The following LRRN1 variants were observed in gnomAD, a reference collection of about 807,000 sequenced individuals.
LRRN1 encodes leucine-rich repeat neuronal protein 1.
LRRN1 carries 14 observed loss-of-function variants against 45.8 expected under a neutral mutation model. The observed-to-expected ratio is 0.31, with a 90% CI of 0.20 to 0.48. LRRN1 has a LOEUF of 0.48. Ranked by LOEUF, LRRN1 falls within the 20% of genes least tolerant of loss-of-function variation. The pLI, the probability that LRRN1 is intolerant of heterozygous loss-of-function variation, is 0.99. For synonymous variants in LRRN1, 359 were observed against 330.1 expected, an observed-to-expected ratio of 1.09 and a Z score of -0.95; for missense variants, 789 against 874.2, an observed-to-expected ratio of 0.90 and a Z score of 1.23.
intron 1 of LRRN1, among the ~76,000 whole-genome samples, chr3:3,806,201 T>C (rs1692755426): frequency 6.6e-6 from 1 of 152,188 alleles, no homozygotes; most frequent in African/African-American, 2.4e-5. Flanking sequence ...CAAATGTCAG[T>C]AGTCGCAAGG....
At chr3:3,814,779 G>A (rs1341329289) in intron 1 of LRRN1, among the ~76,000 whole-genome samples, 3 of 152,134 alleles carry the variant, frequency 2.0e-5, no homozygotes, top group Non-Finnish European at 4.4e-5. Context: ...GACACAGAAA[G>A]AAGGCACCAT....
At chr3:3,802,253 T>A (rs999183292) in intron 1 of LRRN1, among the ~76,000 whole-genome samples, 1 of 152,320 alleles carries the variant, frequency 6.6e-6, no homozygotes, top group African/African-American at 2.4e-5. Context: ...CCTCTTGGCG[T>A]TGTGCGACAG....
chr3:3,802,366 C>T (rs908551828), intron 1 of LRRN1, among the ~76,000 whole-genome samples: 3 of 152,158 alleles, frequency 2.0e-5, no homozygotes, highest in African/African-American at 7.2e-5. Context: ...CAACCTCAAA[C>T]ACTGTTGAAG....
rs118072413 is a variant in LRRN1 at position 3,801,617 on chromosome 3, G to C, written c.-279+1698G>C. ...ATGAAGGAATTTGAAAAGACAAGGA[G>C]TCTTCAGTTAACAATAGACCTTAAG... On this transcript the variant is annotated intron_variant, in intron 1 of 1. Coordinates refer to ENST00000319331, the MANE Select transcript of LRRN1 (RefSeq NM_020873.7). Among the ~76,000 whole-genome samples, 29 of 152,292 alleles carry C rather than the reference G, an allele frequency of 1.9e-4. 1 individual carries two copies. In the East Asian group the frequency reaches 5.4e-3, roughly 28 times the overall value.
At chr3:3,837,915 G>T (rs1160446622) in intron 1 of LRRN1, among the ~76,000 whole-genome samples, 1 of 151,906 alleles carries the variant, frequency 6.6e-6, no homozygotes, top group Non-Finnish European at 1.5e-5. Flanking sequence ...CCCTGTGTGT[G>T]TCGTTCCCCT....
intron 1 of LRRN1, among the ~76,000 whole-genome samples, chr3:3,821,246 A>G (rs1243264295): frequency 6.6e-6 from 1 of 152,172 alleles, no homozygotes. Context: ...AGTCAATTGA[A>G]ATAAAATGTG....
intron 1 of LRRN1, among the ~76,000 whole-genome samples, chr3:3,833,565 G>A (rs372423864): frequency 9.2e-5 from 14 of 152,200 alleles, no homozygotes; most frequent in East Asian, 1.9e-4. Flanking sequence ...GCAGCTCCTC[G>A]TGGGTCACAC....
chr3:3,840,635 G>GTTTAATT (rs1693631347), intron 1 of LRRN1, among the ~76,000 whole-genome samples: 1 of 152,118 alleles, frequency 6.6e-6, no homozygotes, highest in Admixed American at 6.5e-5. Context: ...ATTCCTTGCT[G>GTTTAATT]CCAAAGGAAT....
chr3:3,826,669 C>A (rs1331273308), intron 1 of LRRN1, among the ~76,000 whole-genome samples: 2 of 152,072 alleles, frequency 1.3e-5, no homozygotes, highest in South Asian at 2.1e-4. Flanking sequence ...GATCACTTAA[C>A]ACACACTACA....
At chr3:3,837,699 T>C (rs1693553347) in intron 1 of LRRN1, among the ~76,000 whole-genome samples, 1 of 150,582 alleles carries the variant, frequency 6.6e-6, no homozygotes, top group African/African-American at 2.4e-5. Flanking sequence ...CCGCACCACA[T>C]TTTTTTTTCT....
Position 3,845,554 on chromosome 3 carries a change from C to G in LRRN1, c.913C>G (p.Arg305Gly). The stretch of plus-strand genomic sequence containing the variant: ...TATGGGCGAGCTCGTTTCTGTCGAC[C>G]GCTATGCCCTGGATAACTTGCCTGA... ...NNMGELVSVD[R>G]YALDNLPELT... The change falls in exon 2 of 2, where the codon CGC becomes GGC. Residue 305 changes from arginine to glycine, a missense_variant. Arg to Gly is a moderately radical substitution (Grantham distance 125, BLOSUM62 -2). Transcript: ENST00000319331. This position sits in a 1 kb window ranked among gnomAD's most constrained non-coding sequence, Gnocchi z 6.5. 6.2e-7 allele frequency: 1 copy of G among 1,614,036 alleles called. No homozygotes were observed. Among genetic ancestry groups the G allele is most frequent in the Non-Finnish European group, 8.5e-7 (1 of 1,180,020 alleles).
intron 1 of LRRN1, among the ~76,000 whole-genome samples, chr3:3,811,848 A>T (rs577116259): frequency 3.9e-5 from 6 of 152,338 alleles, no homozygotes; most frequent in African/African-American, 1.4e-4. Flanking sequence ...ATCAAATCAA[A>T]ATAATTAAGT....
intron 1 of LRRN1, among the ~76,000 whole-genome samples, chr3:3,805,558 T>A (rs965583860): frequency 4.6e-5 from 7 of 152,212 alleles, no homozygotes; most frequent in Non-Finnish European, 1.0e-4. Flanking sequence ...CACTGGTAGA[T>A]GATTTCAATA....
chr3:3,843,418 G>A (rs1157238901), intron 1 of LRRN1, among the ~76,000 whole-genome samples: 1 of 151,984 alleles, frequency 6.6e-6, no homozygotes, highest in Non-Finnish European at 1.5e-5. Context: ...CAAAACTGAT[G>A]TTTTCCTTTT....
At chr3:3,827,852 T>C (rs747448440) in intron 1 of LRRN1, among the ~76,000 whole-genome samples, 4 of 152,174 alleles carry the variant, frequency 2.6e-5, no homozygotes, top group Non-Finnish European at 5.9e-5. Flanking sequence ...GGTTTCAATT[T>C]AGCTTTAATA....
At chr3:3,807,303 T>C (rs1389755918) in intron 1 of LRRN1, among the ~76,000 whole-genome samples, 1 of 152,178 alleles carries the variant, frequency 6.6e-6, no homozygotes, top group African/African-American at 2.4e-5. Context: ...ACCCAGAACA[T>C]GTGGGAAGAA....
intron 1 of LRRN1, among the ~76,000 whole-genome samples, chr3:3,843,567 G>A (rs1232997347): frequency 1.4e-5 from 2 of 141,356 alleles, no homozygotes; most frequent in Admixed American, 7.1e-5. Context: ...CCTTCCCACT[G>A]TACCCCCCCC....
intron 1 of LRRN1, among the ~76,000 whole-genome samples, chr3:3,833,774 G>T (rs149466510): frequency 3.7e-4 from 56 of 152,280 alleles, no homozygotes; most frequent in Admixed American, 7.2e-4. Flanking sequence ...GGCAGCATGT[G>T]TTGGGGAGGG....
At chr3:3,800,101 C>T (rs372579208) in intron 1 of LRRN1, among the ~76,000 whole-genome samples, 182 bp downstream of exon 1, 2 of 137,202 alleles carry the variant, frequency 1.5e-5, no homozygotes, top group Non-Finnish European at 3.0e-5. Context: ...AGTCGGGAAA[C>T]GAGAATATAG....
Sources: allele counts gnomAD v4.1 joint callset (sites outside exome capture counted in the v4.1 genomes callset), GRCh38; gene constraint gnomAD v4.1.1; non-coding constraint Gnocchi (gnomAD v3.1); transcripts MANE v1.5; gene names NCBI Gene and HGNC (gene_info 2026-07-23, HGNC 2026-07-21).